Variants in ALCAM observed in about 807,000 individuals in gnomAD.
ALCAM encodes CD166 antigen.
Under a neutral mutation model 70.9 loss-of-function variants are expected in ALCAM, and 30 were observed. That is an observed-to-expected ratio of 0.42 (90% CI 0.32 to 0.57). The LOEUF is 0.57. Ranked by LOEUF, ALCAM falls within the 20% of genes least tolerant of loss-of-function variation. The pLI is 0.11. For synonymous variants in ALCAM, 249 were observed against 242.5 expected (o/e 1.03, Z -0.25); for missense variants, 591 against 695.1 (o/e 0.85, Z 1.68).
intron 1 of ALCAM, among the ~76,000 whole-genome samples, chr3:105,511,051 C>A (rs1054618472): frequency 5.5e-4 from 83 of 152,130 alleles, no homozygotes; most frequent in African/African-American, 1.9e-3. Context: ...TCATTGCCTT[C>A]CTAAATTATC....
chr3:105,489,259 G>A (rs1938515371), intron 1 of ALCAM, among the ~76,000 whole-genome samples: 1 of 152,158 alleles, frequency 6.6e-6, no homozygotes, highest in South Asian at 2.1e-4. Context: ...GATTCAGTAG[G>A]TCTTAGAGGG....
At chr3:105,519,506 C>T (rs573734128) in intron 1 of ALCAM, among the ~76,000 whole-genome samples, 49 of 152,082 alleles carry the variant, frequency 3.2e-4, no homozygotes, top group Admixed American at 5.2e-4. Flanking sequence ...TTAATTTATA[C>T]TACTACAAAA....
At chr3:105,455,212 C>T (rs572620298) in intron 1 of ALCAM, among the ~76,000 whole-genome samples, 2 of 151,732 alleles carry the variant, frequency 1.3e-5, no homozygotes, top group South Asian at 2.1e-4. Flanking sequence ...GAGGCCGAGG[C>T]GGGCGGATCA....
At chr3:105,560,745 C>T (rs989830963) in intron 14 of ALCAM, among the ~76,000 whole-genome samples, 1 of 152,098 alleles carries the variant, frequency 6.6e-6, no homozygotes, top group Admixed American at 6.6e-5. Context: ...TTTGGGTTTG[C>T]TGTATCTATT....
chr3:105,369,305 C>T (rs1352095806), intron 1 of ALCAM, among the ~76,000 whole-genome samples: 2 of 152,180 alleles, frequency 1.3e-5, no homozygotes, highest in Non-Finnish European at 2.9e-5. Flanking sequence ...GAAAGTTCCG[C>T]TTTCAGACCT....
At chr3:105,374,769 C>T (rs1483099019) in intron 1 of ALCAM, among the ~76,000 whole-genome samples, 5 of 152,234 alleles carry the variant, frequency 3.3e-5, no homozygotes, top group African/African-American at 7.2e-5. Context: ...CTACATGCCG[C>T]GGCCTCCCAA....
chr3:105,553,688 C>A (rs1176573758), intron 14 of ALCAM, among the ~76,000 whole-genome samples: 1 of 151,844 alleles, frequency 6.6e-6, no homozygotes, highest in East Asian at 1.9e-4. Context: ...CACATAGCAG[C>A]ATGAGCATGT....
intron 14 of ALCAM, among the ~76,000 whole-genome samples, chr3:105,568,306 G>A (rs1940790257): frequency 6.6e-6 from 1 of 152,002 alleles, no homozygotes; most frequent in Non-Finnish European, 1.5e-5. Context: ...GGCCAGGCTG[G>A]TCTCGAACTC....
rs571360732 is a variant in ALCAM, at chr3:105,563,644, C to T, written c.1665-8208C>T. The stretch of plus-strand genomic sequence containing the variant: ...TCTTCCTTGAAGTCAAGTGACTAGA[C>T]CTGTATGAAATTCCAAGCATTTCTT... On this transcript the variant is annotated intron_variant, in intron 14 of 15. Coordinates refer to ENST00000306107, the MANE Select transcript of ALCAM (RefSeq NM_001627.4). Among the ~76,000 whole-genome samples the T allele has an allele frequency of 4.9e-5, 7 of 143,386 alleles. No individual in the cohort carries two copies. In the South Asian group the frequency reaches 1.6e-3, roughly 32 times the overall value. The allele number at this position is 143,386 out of a possible 152,430, so 94.1% of individuals were successfully genotyped here.
intron 1 of ALCAM, among the ~76,000 whole-genome samples, chr3:105,426,434 T>G (rs1004703629): frequency 6.6e-6 from 1 of 151,952 alleles, no homozygotes; most frequent in Non-Finnish European, 1.5e-5. Flanking sequence ...ATGTATAAAT[T>G]TTGTAATGAT....
intron 1 of ALCAM, among the ~76,000 whole-genome samples, chr3:105,481,895 T>C (rs1157981193): frequency 6.6e-6 from 1 of 152,188 alleles, no homozygotes; most frequent in Non-Finnish European, 1.5e-5. Context: ...ATAGTTTATA[T>C]GTTTAATTTC....
intron 1 of ALCAM, among the ~76,000 whole-genome samples, chr3:105,436,615 G>T (rs754170244): frequency 6.6e-6 from 1 of 152,246 alleles, no homozygotes; most frequent in African/African-American, 2.4e-5. Context: ...GCATGAGCCT[G>T]TATTTAATTT....
intron 1 of ALCAM, among the ~76,000 whole-genome samples, chr3:105,421,870 T>A (rs1284543672): frequency 6.6e-6 from 1 of 151,278 alleles, no homozygotes; most frequent in African/African-American, 2.4e-5. Context: ...TCTTTTGGGG[T>A]ACAAGTTTTC....
intron 1 of ALCAM, among the ~76,000 whole-genome samples, chr3:105,375,427 T>C (rs138469398): frequency 6.6e-6 from 1 of 152,312 alleles, no homozygotes; most frequent in South Asian, 2.1e-4. Flanking sequence ...TAAATTTAAT[T>C]ATCAGCTACA....
chr3:105,565,117 C>T (rs575957248), intron 14 of ALCAM, among the ~76,000 whole-genome samples: 55 of 152,130 alleles, frequency 3.6e-4, no homozygotes, highest in Non-Finnish European at 6.6e-4. Flanking sequence ...TACCACTGAA[C>T]TCCAGCCTGG....
intron 1 of ALCAM, among the ~76,000 whole-genome samples, chr3:105,409,388 G>A (rs1427145193): frequency 1.3e-5 from 2 of 151,962 alleles, no homozygotes; most frequent in African/African-American, 2.4e-5. Flanking sequence ...AAAAAGGAAG[G>A]AAATAATGAT....
chr3:105,495,616 C>A (rs62260776), intron 1 of ALCAM, among the ~76,000 whole-genome samples: 2 of 151,938 alleles, frequency 1.3e-5, no homozygotes, highest in Non-Finnish European at 2.9e-5. Flanking sequence ...ATATGAAGAA[C>A]CTGAGGTTGT....
chr3:105,508,645 A>G (rs1166288120), intron 1 of ALCAM, among the ~76,000 whole-genome samples: 1 of 152,098 alleles, frequency 6.6e-6, no homozygotes, highest in Non-Finnish European at 1.5e-5. Context: ...TGAGGTTTTG[A>G]TATACATATG....
chr3:105,477,796 T>G (rs1938161747), intron 1 of ALCAM, among the ~76,000 whole-genome samples: 1 of 152,116 alleles, frequency 6.6e-6, no homozygotes, highest in South Asian at 2.1e-4. Context: ...TTATATGTAA[T>G]ATGTTTTATC....
Sources: gnomAD v4.1 joint callset for allele counts (sites outside exome capture counted in the v4.1 genomes callset) on GRCh38, gnomAD v4.1.1 for gene constraint, MANE v1.5 for transcripts, NCBI Gene and HGNC (gene_info 2026-07-23, HGNC 2026-07-21) for gene names.